SCD5: variants seen among roughly 807,000 people sequenced by gnomAD.
SCD5 encodes the protein stearoyl-CoA desaturase 5.
In SCD5, 20 loss-of-function variants were observed where a neutral mutation model predicts 30.4. The ratio of observed to expected loss-of-function variants is 0.66; its 90% CI spans 0.46 to 0.96. The LOEUF is 0.96. SCD5 is among the 40% of genes least tolerant of loss of function. The pLI is 0.00. For synonymous variants in SCD5, 173 were observed against 176.4 expected (o/e 0.98, Z 0.16); for missense variants, 381 against 443.3 (o/e 0.86, Z 1.26).
In SCD5 at chr4:82,700,061, G is replaced by A. The variant is rs535685395; in HGVS notation, c.363+5222C>T. ...GTGAAACCTTATCTTTACTAAAAATGCAAAAACAAGCTGGGTTTGGTGGCG... is the reference window on the plus strand; with the variant it reads ...GTGAAACCTTATCTTTACTAAAAATACAAAAACAAGCTGGGTTTGGTGGCG... On this transcript the variant is annotated intron_variant, in intron 2 of 4. Coordinates refer to ENST00000319540, the MANE Select transcript of SCD5 (RefSeq NM_001037582.3). Among the ~76,000 whole-genome samples the A allele has an allele frequency of 8.6e-5, 13 of 151,828 alleles. No homozygotes were observed. In the South Asian group the frequency reaches 2.7e-3, roughly 32 times the overall value.
Position 82,680,799 on chromosome 4 carries a change from CAGCCACCCAATATGGGAG to C in SCD5, c.459_476del (p.Phe153_Trp158del). ...TAACATCTCGATGCTTGCGAACAAACAGCCACCCAATATGGGAGAAGAAGAAGCCCCGGCGGGCATTGT... is the reference window on the plus strand; with the variant it reads ...TAACATCTCGATGCTTGCGAACAAACAAGAAGAAGCCCCGGCGGGCATTGT... On this transcript the variant is annotated inframe_deletion, in exon 3 of 5. Transcript: ENST00000319540. 1 of 1,613,936 alleles carries C rather than the reference CAGCCACCCAATATGGGAG, an allele frequency of 6.2e-7. No homozygotes were observed. Among genetic ancestry groups the C allele is most frequent in the Non-Finnish European group, 8.5e-7 (1 of 1,180,016 alleles).
At chr4:82,767,500 T>A (rs1721518069) in intron 1 of SCD5, among the ~76,000 whole-genome samples, 1 of 152,172 alleles carries the variant, frequency 6.6e-6, no homozygotes, top group Non-Finnish European at 1.5e-5. Flanking sequence ...CTTGGAGATC[T>A]CCGTCCTGTT....
At chr4:82,688,270 G>A (rs781115690) in intron 2 of SCD5, among the ~76,000 whole-genome samples, 15 of 152,256 alleles carry the variant, frequency 9.9e-5, no homozygotes, top group African/African-American at 2.2e-4. Context: ...GAAAATATGC[G>A]TGTGCATGCA....
rs1560531633 is a variant in SCD5, at chr4:82,679,234, A to AAGAGAGAG, written c.569+1472_569+1473insCTCTCTCT. On this transcript the variant is annotated intron_variant, in intron 3 of 4. Transcript: ENST00000319540. ...AAAAAAGAAAGAAAAGAAAGAAAGA[A>AAGAGAGAG]AGAAAGAAAGAAAGAAAGAAAGAAA... 2.8e-4 allele frequency among the ~76,000 whole-genome samples: 27 copies of AAGAGAGAG among 96,404 alleles called. 3 individuals are homozygous for AAGAGAGAG. Among genetic ancestry groups the AAGAGAGAG allele is most frequent in the African/African-American group, 6.1e-4 (15 of 24,392 alleles). 63.2% of individuals were successfully genotyped at this position (96,404 alleles called of 152,430 possible).
intron 1 of SCD5, among the ~76,000 whole-genome samples, chr4:82,765,840 A>T (rs1721473641): frequency 6.6e-6 from 1 of 152,016 alleles, no homozygotes; most frequent in Non-Finnish European, 1.5e-5. Flanking sequence ...GACTGGTCTC[A>T]TACTCCTGGC....
At chr4:82,778,948 T>A (rs1234762617) in intron 1 of SCD5, among the ~76,000 whole-genome samples, 2 of 151,168 alleles carry the variant, frequency 1.3e-5, no homozygotes, top group African/African-American at 2.4e-5. Flanking sequence ...CTCATGGCAA[T>A]CTCTGCCTCC....
rs184234366 is a variant in SCD5 at position 82,794,951 on chromosome 4, G to A, written c.232+3355C>T. On this transcript the variant is annotated intron_variant, in intron 1 of 4. Transcript: ENST00000319540. ...TAGGCGTGAGCCACCATGCCCGGCC[G>A]CTTTCTGTCCTTGAAAGTCATGAAC... Among the ~76,000 whole-genome samples the A allele has an allele frequency of 7.2e-4, 109 of 152,060 alleles. 1 individual carries two copies. The highest frequency in any genetic ancestry group is 2.5e-3 in the African/African-American group (104 of 41,510).
chr4:82,634,676 A>C (rs905415511), intron 4 of SCD5, among the ~76,000 whole-genome samples: 1 of 152,214 alleles, frequency 6.6e-6, no homozygotes, highest in Non-Finnish European at 1.5e-5. Context: ...GGATAGACTT[A>C]TAACCAATAC....
chr4:82,642,721 C>T (rs1727570203), intron 3 of SCD5, among the ~76,000 whole-genome samples: 2 of 152,232 alleles, frequency 1.3e-5, no homozygotes, highest in African/African-American at 4.8e-5. Flanking sequence ...CCTGACTGCA[C>T]ATTAGAATAA....
At chr4:82,747,371 C>A (rs1235122681) in intron 1 of SCD5, among the ~76,000 whole-genome samples, 1 of 152,112 alleles carries the variant, frequency 6.6e-6, no homozygotes, top group Non-Finnish European at 1.5e-5. Flanking sequence ...AATGTTAGAG[C>A]CAGAGCTCAC....
At chr4:82,648,122 A>G (rs1727669072) in intron 3 of SCD5, among the ~76,000 whole-genome samples, 1 of 152,234 alleles carries the variant, frequency 6.6e-6, no homozygotes, top group African/African-American at 2.4e-5. Context: ...TGCACTGGCC[A>G]CTATTTGCTA....
At chr4:82,669,244 A>T (rs920627506) in intron 3 of SCD5, among the ~76,000 whole-genome samples, 1 of 151,942 alleles carries the variant, frequency 6.6e-6, no homozygotes, top group African/African-American at 2.4e-5. Context: ...CCCTGGATAG[A>T]TATGTGATGC....
chr4:82,795,669 G>T (rs1260493182), intron 1 of SCD5, among the ~76,000 whole-genome samples: 1 of 151,768 alleles, frequency 6.6e-6, no homozygotes, highest in Non-Finnish European at 1.5e-5. Context: ...AAATGAAAAA[G>T]AAAATAGCCA....
At chr4:82,719,550 C>T (rs182124405) in intron 1 of SCD5, among the ~76,000 whole-genome samples, 2 of 148,876 alleles carry the variant, frequency 1.3e-5, no homozygotes, top group Non-Finnish European at 2.9e-5. Flanking sequence ...GTCGCCCAGG[C>T]CGGAGTGCAG....
chr4:82,743,829 T>C (rs541270978), intron 1 of SCD5, among the ~76,000 whole-genome samples: 12 of 152,102 alleles, frequency 7.9e-5, no homozygotes, highest in Non-Finnish European at 1.6e-4. Context: ...ACTAACTTCT[T>C]TGTTGTTGTT....
chr4:82,645,104 A>G (rs1168187110), intron 3 of SCD5, among the ~76,000 whole-genome samples: 3 of 152,224 alleles, frequency 2.0e-5, no homozygotes, highest in African/African-American at 7.2e-5. Context: ...ACTTAAGGTC[A>G]GGAGTTCAAG....
chr4:82,724,688 A>G (rs1720435698), intron 1 of SCD5, among the ~76,000 whole-genome samples: 1 of 152,240 alleles, frequency 6.6e-6, no homozygotes, highest in South Asian at 2.1e-4. Context: ...AAATGGGAAG[A>G]ACAAAACAAA....
chr4:82,674,075 G>T (rs1220018141), intron 3 of SCD5, among the ~76,000 whole-genome samples: 1 of 152,084 alleles, frequency 6.6e-6, no homozygotes, highest in Non-Finnish European at 1.5e-5. Flanking sequence ...AGAAAATGTA[G>T]ATGACTCTGG....
At chr4:82,652,531 C>T (rs1414620284) in intron 3 of SCD5, among the ~76,000 whole-genome samples, 1 of 152,126 alleles carries the variant, frequency 6.6e-6, no homozygotes, top group East Asian at 1.9e-4. Flanking sequence ...CAAAATATTA[C>T]TAAGTCAACT....
Sources: gnomAD v4.1 joint callset for allele counts (sites outside exome capture counted in the v4.1 genomes callset) on GRCh38, gnomAD v4.1.1 for gene constraint, MANE v1.5 for transcripts, NCBI Gene and HGNC (gene_info 2026-07-23, HGNC 2026-07-21) for gene names.